The following FNBP1 variants were observed in gnomAD, a reference collection of about 807,000 sequenced individuals.
FNBP1 encodes the protein formin binding protein 1.
Under a neutral mutation model 90.6 loss-of-function variants are expected in FNBP1, and 26 were observed. The ratio of observed to expected loss-of-function variants is 0.29; its 90% CI spans 0.21 to 0.40. FNBP1 has a LOEUF of 0.40. Ranked by LOEUF, FNBP1 falls within the 10% of genes least tolerant of loss-of-function variation. The pLI is 1.00. For synonymous variants in FNBP1, 260 were observed against 265.2 expected (o/e 0.98, Z 0.19); for missense variants, 635 against 768.0 (o/e 0.83, Z 2.05).
rs932601519 is a variant in FNBP1, at chr9:129,895,218, G to A, written c.1846+620C>T. ...GTAGATGGAACAGGGTACTCGTGAT[G>A]CCCTACCAAGGATGCTGACCAGGTT... is the stretch of plus-strand genomic sequence containing the variant. On this transcript the variant is annotated intron_variant, in intron 16 of 16. Coordinates refer to ENST00000446176, the MANE Select transcript of FNBP1 (RefSeq NM_015033.3). The A allele has an allele frequency of 4.8e-5, 49 of 1,026,808 alleles. 1 individual carries two copies. The Admixed American group carries it at 2.2e-3, about 47-fold the overall frequency. The allele number at this position is 1,026,808 out of a possible 1,614,324, so 63.6% of individuals were successfully genotyped here. A position where few individuals can be genotyped will look rare whatever the true frequency, so the allele number is the denominator to read the frequency against.
intron 2 of FNBP1, among the ~76,000 whole-genome samples, chr9:129,992,995 G>A (rs1564522646): frequency 6.6e-6 from 1 of 150,580 alleles, no homozygotes; most frequent in Admixed American, 6.6e-5. Flanking sequence ...GGGAGACCGA[G>A]GCAGGCGGAT....
At chr9:130,036,037 T>C (rs2059282972) in intron 1 of FNBP1, among the ~76,000 whole-genome samples, 1 of 152,196 alleles carries the variant, frequency 6.6e-6, no homozygotes, top group Non-Finnish European at 1.5e-5. Flanking sequence ...AAAAAGTTTT[T>C]TTAACTAAAC....
chr9:130,001,327 A>C (rs1302161852), intron 1 of FNBP1, among the ~76,000 whole-genome samples: 16 of 136,506 alleles, frequency 1.2e-4, no homozygotes, highest in East Asian at 2.1e-4. Context: ...AACAAAACAA[A>C]ACAAAAAAAA....
chr9:130,013,962 GTT>G (rs2056932726), intron 1 of FNBP1: 2 of 455,198 alleles, frequency 4.4e-6, no homozygotes, highest in Admixed American at 4.7e-5. Flanking sequence ...ATTTTCTACT[GTT>G]TATAAATTAC....
chr9:130,033,609 C>G (rs925007581), intron 1 of FNBP1, among the ~76,000 whole-genome samples: 1 of 146,552 alleles, frequency 6.8e-6, no homozygotes, highest in Admixed American at 6.8e-5. Flanking sequence ...AGGCCGAGGC[C>G]GGTGATCACT....
At chr9:130,049,723 A>T in the FNBP1 span, among the ~76,000 whole-genome samples, 7,954 of 152,136 alleles carry the variant, frequency 0.052, 675 homozygotes, top group African/African-American at 0.18. Flanking sequence ...AAATAAAAAT[A>T]AAAATTAAAA....
intron 4 of FNBP1, among the ~76,000 whole-genome samples, chr9:129,968,817 T>C (rs2049006159): frequency 6.6e-6 from 1 of 152,226 alleles, no homozygotes; most frequent in Non-Finnish European, 1.5e-5. Flanking sequence ...ACTCTTCAGA[T>C]AACTGCTGCC....
intron 1 of FNBP1, among the ~76,000 whole-genome samples, chr9:130,016,082 A>C (rs900370099): frequency 6.6e-6 from 1 of 152,186 alleles, no homozygotes; most frequent in Non-Finnish European, 1.5e-5. Context: ...TAAACTTCTT[A>C]TATATTAAGG....
chr9:130,021,855 C>T (rs768346694), intron 1 of FNBP1, among the ~76,000 whole-genome samples: 1 of 152,182 alleles, frequency 6.6e-6, no homozygotes, highest in Non-Finnish European at 1.5e-5. Context: ...CTAAGATGCC[C>T]AGTACTAACC....
At chr9:129,990,274 A>G (rs2052922341) in intron 2 of FNBP1, among the ~76,000 whole-genome samples, 2 of 152,242 alleles carry the variant, frequency 1.3e-5, no homozygotes, top group Non-Finnish European at 1.5e-5. Context: ...AGAAAACTAT[A>G]TAAAATGGTA....
At chr9:129,948,781 T>A (rs147584205) in intron 6 of FNBP1, among the ~76,000 whole-genome samples, 4,474 of 152,122 alleles carry the variant, frequency 0.029, 219 homozygotes, top group African/African-American at 0.1. Context: ...CCTCAAGTGA[T>A]CCGCCAGCCT....
At chr9:129,938,155 T>A (rs540520125) in intron 6 of FNBP1, among the ~76,000 whole-genome samples, 1 of 152,166 alleles carries the variant, frequency 6.6e-6, no homozygotes, top group East Asian at 1.9e-4. Context: ...AGAGTGAGAC[T>A]CTGTCTCAAA....
At chr9:129,915,847 G>A (rs1202670818) in intron 11 of FNBP1, 119 bp downstream of exon 11, 16 of 712,732 alleles carry the variant, frequency 2.2e-5, no homozygotes, top group Non-Finnish European at 3.2e-5. Flanking sequence ...AAAAGCACAC[G>A]TAAGAGAAAC....
chr9:130,049,409 T>C, the FNBP1 span, among the ~76,000 whole-genome samples: 1 of 151,922 alleles, frequency 6.6e-6, no homozygotes, highest in Non-Finnish European at 1.5e-5. Flanking sequence ...GAAATAATGC[T>C]ACTTCAAAGG....
chr9:129,982,001 CAG>C (rs2051332994), intron 2 of FNBP1, among the ~76,000 whole-genome samples: 1 of 152,220 alleles, frequency 6.6e-6, no homozygotes, highest in African/African-American at 2.4e-5. Context: ...GGATACATAG[CAG>C]AGTTTAATAA....
chr9:129,971,544 C>A (rs975398086), intron 4 of FNBP1, among the ~76,000 whole-genome samples: 19 of 152,146 alleles, frequency 1.2e-4, no homozygotes, highest in Non-Finnish European at 2.4e-4. Context: ...GCACATGCCA[C>A]CACGCCTGGT....
rs1294578987 is a variant in FNBP1, at chr9:129,890,596, G to T, written c.1847-50C>A. ...GAGAAACTCTCTGTTAGAGAGGAAG[G>T]CGCGGGTTCCAGGCGGGCATTTTGC... is the stretch of plus-strand genomic sequence containing the variant. On this transcript the variant is annotated intron_variant, in intron 16 of 16. Transcript: ENST00000446176. The surrounding 1 kb of genome is among the most constrained non-coding windows in gnomAD (Gnocchi z 5.8). 1 of 1,543,106 alleles carries T rather than the reference G, an allele frequency of 6.5e-7. No individual in the cohort carries two copies. The highest frequency in any genetic ancestry group is 1.2e-5 in the South Asian group (1 of 84,184).
Position 129,890,147 on chromosome 9 carries a change from G to A in FNBP1, c.*392C>T, listed in dbSNP as rs2034973465. The A allele has an allele frequency of 1.1e-5, 4 of 349,326 alleles. No homozygotes were observed. Among genetic ancestry groups the A allele is most frequent in the Middle Eastern group, 7.4e-4 (1 of 1,350 alleles). The allele number at this position is 349,326 out of a possible 1,614,324, so 21.6% of individuals were successfully genotyped here. ...GCTGGACCTGCCTTGTCTCCTCAGG[G>A]GACCCGTGATGACACTTTCACAAAA... On this transcript the variant is annotated 3_prime_UTR_variant, in exon 17 of 17. Transcript: ENST00000446176. The surrounding 1 kb of genome is among the most constrained non-coding windows in gnomAD (Gnocchi z 5.8).
intron 1 of FNBP1, among the ~76,000 whole-genome samples, chr9:130,006,276 C>A (rs189601280): frequency 4.7e-4 from 71 of 152,160 alleles, no homozygotes; most frequent in African/African-American, 1.7e-3. Context: ...AACCCCGTCT[C>A]TACTAAAAAT....
Sources: allele counts gnomAD v4.1 joint callset (sites outside exome capture counted in the v4.1 genomes callset), GRCh38; gene constraint gnomAD v4.1.1; non-coding constraint Gnocchi (gnomAD v3.1); transcripts MANE v1.5; gene names NCBI Gene and HGNC (gene_info 2026-07-23, HGNC 2026-07-21).